JPH1: variants seen among roughly 807,000 people sequenced by gnomAD.
The protein encoded by JPH1 is junctophilin 1.
JPH1 carries 12 observed loss-of-function variants against 53.6 expected under a neutral mutation model. The observed-to-expected ratio is 0.22, with a 90% CI of 0.14 to 0.36. The LOEUF is 0.36. JPH1 is among the 10% of genes least tolerant of loss of function. The pLI is 1.00. For synonymous variants in JPH1, 375 were observed against 363.8 expected (o/e 1.03, Z -0.35); for missense variants, 808 against 905.5 (o/e 0.89, Z 1.38).
At position 74,320,361 on chromosome 8, in the gene JPH1, C is replaced by T. The variant is rs115547176; in HGVS notation, c.379+548G>A. ...CCCCAAATAAGGTACAATTCCCCAA[C>T]ATCCTAGTTACGGGGTTCTGGCTTC... On this transcript the variant is annotated intron_variant, in intron 1 of 5. Coordinates refer to ENST00000342232, the MANE Select transcript of JPH1 (RefSeq NM_020647.4). This position sits in a 1 kb window ranked among gnomAD's most constrained non-coding sequence, Gnocchi z 4.4. Among the ~76,000 whole-genome samples, 306 of 152,270 alleles carry T rather than the reference C, an allele frequency of 2.0e-3. 1 individual carries two copies. The highest frequency in any genetic ancestry group is 6.5e-3 in the African/African-American group (270 of 41,548).
At position 74,238,494 on chromosome 8, in the gene JPH1, T is replaced by C. The variant is rs1229521849; in HGVS notation, c.1906-1191A>G. Among the ~76,000 whole-genome samples the C allele has an allele frequency of 1.3e-4, 20 of 152,310 alleles. No homozygotes were observed. The East Asian group carries it at 3.9e-3, about 29-fold the overall frequency. On this transcript the variant is annotated intron_variant, in intron 4 of 5. Transcript: ENST00000342232. ...ACTTGATTATCCTTTGTTGTTTAAC[T>C]GCTATTTTCCCCCACAAGACTCTGA...
chr8:74,240,468 C>T (rs61458693), intron 4 of JPH1, among the ~76,000 whole-genome samples: 2,500 of 152,050 alleles, frequency 0.016, 65 homozygotes, highest in African/African-American at 0.057. Context: ...TGAGTGTGAT[C>T]GCTTTAATTT....
chr8:74,271,681 A>G (rs1249384459), intron 2 of JPH1, among the ~76,000 whole-genome samples: 1 of 152,230 alleles, frequency 6.6e-6, no homozygotes, highest in Non-Finnish European at 1.5e-5. Context: ...GCTGCAACAG[A>G]CACAATGGGA....
chr8:74,296,934 T>C (rs573274929), intron 2 of JPH1, among the ~76,000 whole-genome samples: 1 of 152,208 alleles, frequency 6.6e-6, no homozygotes, highest in East Asian at 1.9e-4. Flanking sequence ...ACAGAAAGTA[T>C]AAGGCATAAG....
At chr8:74,284,434 T>C (rs1334465017) in intron 2 of JPH1, among the ~76,000 whole-genome samples, 3 of 152,138 alleles carry the variant, frequency 2.0e-5, no homozygotes, top group African/African-American at 7.2e-5. Flanking sequence ...TAAGGCTCAC[T>C]TGGGCATTGC....
intron 2 of JPH1, among the ~76,000 whole-genome samples, chr8:74,275,743 AG>A (rs1308636780): frequency 3.9e-5 from 6 of 152,196 alleles, no homozygotes; most frequent in Non-Finnish European, 5.9e-5. Context: ...ACGTCCTTAA[AG>A]GAACTTCCAA....
At chr8:74,309,096 C>G (rs1807917671) in intron 2 of JPH1, among the ~76,000 whole-genome samples, 1 of 152,152 alleles carries the variant, frequency 6.6e-6, no homozygotes, top group Admixed American at 6.5e-5. Flanking sequence ...TCTAGGTGCC[C>G]TGATCATCAC....
chr8:74,266,974 A>G (rs1358012641), intron 2 of JPH1, among the ~76,000 whole-genome samples: 3 of 152,218 alleles, frequency 2.0e-5, no homozygotes, highest in African/African-American at 7.2e-5. Context: ...AAAGCCTGGC[A>G]TGGAGGCTGT....
intron 2 of JPH1, among the ~76,000 whole-genome samples, chr8:74,292,762 A>G (rs547474334): frequency 6.6e-6 from 1 of 152,342 alleles, no homozygotes; most frequent in African/African-American, 2.4e-5. Flanking sequence ...GATCAAAGCC[A>G]TATGAGGTAG....
chr8:74,303,596 T>C (rs568998812), intron 2 of JPH1, among the ~76,000 whole-genome samples: 23 of 152,252 alleles, frequency 1.5e-4, no homozygotes, highest in African/African-American at 3.6e-4. Context: ...TATTTTTTTA[T>C]TTTTAGAGAC....
At chr8:74,276,886 T>C (rs771447977) in intron 2 of JPH1, among the ~76,000 whole-genome samples, 2 of 152,234 alleles carry the variant, frequency 1.3e-5, no homozygotes, top group African/African-American at 2.4e-5. Flanking sequence ...TTCTCCTTAT[T>C]GTATGAGTTG....
At chr8:74,244,060 C>T (rs1346603274) in intron 4 of JPH1, among the ~76,000 whole-genome samples, 2 of 152,202 alleles carry the variant, frequency 1.3e-5, no homozygotes, top group East Asian at 3.8e-4. Context: ...TTCACAACGG[C>T]TAGAGGAGAC....
At chr8:74,240,097 G>A (rs375325260) in intron 4 of JPH1, among the ~76,000 whole-genome samples, 24 of 151,920 alleles carry the variant, frequency 1.6e-4, no homozygotes, top group Admixed American at 9.2e-4. Context: ...TCAGCCTCCC[G>A]AGTAGCTGGG....
At chr8:74,238,911 G>T (rs1805617254) in intron 4 of JPH1, among the ~76,000 whole-genome samples, 1 of 152,284 alleles carries the variant, frequency 6.6e-6, no homozygotes, top group African/African-American at 2.4e-5. Context: ...TGCCACCTTG[G>T]CCTCCCAAAG....
chr8:74,253,474 T>A (rs2131386447), intron 3 of JPH1, among the ~76,000 whole-genome samples: 1 of 152,052 alleles, frequency 6.6e-6, no homozygotes, highest in African/African-American at 2.4e-5. Context: ...AACATCACAA[T>A]TAGAAGAACT....
At chr8:74,267,707 G>A (rs555184959) in intron 2 of JPH1, among the ~76,000 whole-genome samples, 54 of 152,290 alleles carry the variant, frequency 3.5e-4, no homozygotes, top group African/African-American at 1.2e-3. Flanking sequence ...CAGAAAGGAA[G>A]CAGGAAATCT....
At chr8:74,295,235 T>C (rs1437992529) in intron 2 of JPH1, among the ~76,000 whole-genome samples, 1 of 152,146 alleles carries the variant, frequency 6.6e-6, no homozygotes, top group African/African-American at 2.4e-5. Flanking sequence ...TCTAAGTGAT[T>C]AGGGACCCTC....
chr8:74,314,563 A>G (rs535085887), intron 2 of JPH1, among the ~76,000 whole-genome samples: 1 of 152,358 alleles, frequency 6.6e-6, no homozygotes, highest in South Asian at 2.1e-4. Context: ...TTCCGGGCTC[A>G]GGAAGATGAG....
chr8:74,319,810 ATTATGT>A (rs1218625897), intron 1 of JPH1, among the ~76,000 whole-genome samples: 1 of 152,214 alleles, frequency 6.6e-6, no homozygotes, highest in Non-Finnish European at 1.5e-5. Context: ...ACTAAATATG[ATTATGT>A]TTATCAGGAA....
Sources: allele counts gnomAD v4.1 joint callset (sites outside exome capture counted in the v4.1 genomes callset), GRCh38; gene constraint gnomAD v4.1.1; non-coding constraint Gnocchi (gnomAD v3.1); transcripts MANE v1.5; gene names NCBI Gene and HGNC (gene_info 2026-07-23, HGNC 2026-07-21).